CBFA2T2: variants seen among roughly 807,000 people sequenced by gnomAD.
CBFA2T2 encodes the protein protein CBFA2T2.
A neutral mutation model predicts 62.2 loss-of-function variants in CBFA2T2; 11 were observed. The observed-to-expected ratio is 0.18, with a 90% CI of 0.11 to 0.29. CBFA2T2 has a LOEUF of 0.29. Ranked by LOEUF, CBFA2T2 falls within the 10% of genes least tolerant of loss-of-function variation. CBFA2T2 has a pLI of 1.00. For synonymous variants in CBFA2T2, 295 were observed against 287.5 expected (o/e 1.03, Z -0.27); for missense variants, 592 against 774.1 (o/e 0.76, Z 2.79).
chr20:33,603,160 GGGTGT>G (rs1228468951), intron 1 of CBFA2T2, among the ~76,000 whole-genome samples: 6 of 152,180 alleles, frequency 3.9e-5, no homozygotes, highest in Non-Finnish European at 7.3e-5. Context: ...GAAGACTGCT[GGGTGT>G]TCAGTGTTAC....
At chr20:33,568,593 C>A (rs2013432528) in intron 1 of CBFA2T2, among the ~76,000 whole-genome samples, 1 of 152,112 alleles carries the variant, frequency 6.6e-6, no homozygotes, top group Admixed American at 6.5e-5. Context: ...CTCCCAGCAC[C>A]AGGTGCAGCC....
Position 33,623,142 on chromosome 20 carries a change from C to A in CBFA2T2, c.538C>A (p.Leu180Met). ...CAACCTGCCCCTGCTGCAGCGGGAA[C>A]TGCTGCACTGCGCTCGGGCGGCCAA... ...KANLPLLQRE[L>M]LHCARAAKQT... is the part of the protein sequence containing the mutation. The change falls in exon 5 of 11, where the codon CTG (leucine) becomes ATG (methionine). Residue 180 changes from leucine (L) to methionine (M), a missense_variant. Transcript: ENST00000342704. The A allele has an allele frequency of 6.2e-7, 1 of 1,614,270 alleles. No individual in the cohort carries two copies.
chr20:33,502,096 G>A lies in CBFA2T2; in HGVS notation c.34+11795G>A, dbSNP rs76579100. Reference sequence around the variant, plus strand: ...CAAGCCACCTTATGTGGCACTAGCCGGGATTATAGACAAGCGTCAGCTAAT... The same window carrying A: ...CAAGCCACCTTATGTGGCACTAGCCAGGATTATAGACAAGCGTCAGCTAAT... On this transcript the variant is annotated intron_variant, in intron 1 of 10. Coordinates refer to ENST00000342704, the MANE Select transcript of CBFA2T2 (RefSeq NM_001032999.3). Among the ~76,000 whole-genome samples the A allele has an allele frequency of 7.9e-3, 1,198 of 152,220 alleles. 18 individuals carry two copies. The highest frequency in any genetic ancestry group is 0.026 in the African/African-American group (1,096 of 41,552).
intron 1 of CBFA2T2, among the ~76,000 whole-genome samples, chr20:33,592,542 A>G (rs556938706): frequency 6.6e-6 from 1 of 152,038 alleles, no homozygotes; most frequent in Admixed American, 6.6e-5. Context: ...TCTAGGCCAC[A>G]GACTATTCAG....
intron 1 of CBFA2T2, among the ~76,000 whole-genome samples, chr20:33,512,551 C>G (rs1411575163): frequency 6.6e-6 from 1 of 152,096 alleles, no homozygotes; most frequent in East Asian, 1.9e-4. Flanking sequence ...GCTTCTTTTG[C>G]TCAACAGTAA....
At chr20:33,513,816 GAAAAAA>G (rs11481160) in intron 1 of CBFA2T2, among the ~76,000 whole-genome samples, 16 of 111,484 alleles carry the variant, frequency 1.4e-4, no homozygotes, top group East Asian at 2.8e-4. Flanking sequence ...TCTGTCCCAG[GAAAAAA>G]AAAAAAAAAA....
intron 1 of CBFA2T2, among the ~76,000 whole-genome samples, chr20:33,501,746 TCTCCTGCTGCAGC>T (rs980428594): frequency 1.4e-5 from 2 of 145,456 alleles, no homozygotes; most frequent in African/African-American, 5.0e-5. Context: ...TTCAAGTGAT[TCTCCTGCTGCAGC>T]CTCCTGAGTA....
chr20:33,577,259 A>C (rs1310945422), intron 1 of CBFA2T2, among the ~76,000 whole-genome samples: 5 of 152,196 alleles, frequency 3.3e-5, no homozygotes, highest in African/African-American at 1.2e-4. Context: ...ATTTTTAAAA[A>C]TATTGATGGA....
chr20:33,572,576 A>G (rs557082955), intron 1 of CBFA2T2, among the ~76,000 whole-genome samples: 1 of 152,344 alleles, frequency 6.6e-6, no homozygotes, highest in East Asian at 1.9e-4. Context: ...ACAATAATGA[A>G]ATAGTCGGTG....
At chr20:33,593,261 G>A (rs2014738771) in intron 1 of CBFA2T2, among the ~76,000 whole-genome samples, 1 of 151,960 alleles carries the variant, frequency 6.6e-6, no homozygotes, top group Non-Finnish European at 1.5e-5. Context: ...GAACCCAGGA[G>A]GCAAAGGTTG....
At chr20:33,502,926 T>TA (rs1314222559) in intron 1 of CBFA2T2, among the ~76,000 whole-genome samples, 3 of 149,588 alleles carry the variant, frequency 2.0e-5, no homozygotes, top group Non-Finnish European at 3.0e-5. Flanking sequence ...CCATCTCTAC[T>TA]AAAAAATACA....
At chr20:33,643,004 C>T (rs2016910464) in intron 10 of CBFA2T2, among the ~76,000 whole-genome samples, 1 of 152,200 alleles carries the variant, frequency 6.6e-6, no homozygotes, top group Non-Finnish European at 1.5e-5. Flanking sequence ...GATAGAGGGC[C>T]TGTCCTTTGG....
intron 1 of CBFA2T2, among the ~76,000 whole-genome samples, chr20:33,559,585 C>T (rs533390123): frequency 6.6e-6 from 1 of 152,216 alleles, no homozygotes; most frequent in South Asian, 2.1e-4. Flanking sequence ...ATCCTGGGTT[C>T]AAGCCATTCT....
intron 1 of CBFA2T2, among the ~76,000 whole-genome samples, chr20:33,494,271 ATATTTT>A (rs2011175521): frequency 4.7e-5 from 1 of 21,070 alleles, no homozygotes; most frequent in African/African-American, 1.5e-4. Flanking sequence ...ATATATATAT[ATATTTT>A]TTTTTTTTTT....
rs528834709 is a variant in CBFA2T2, at chr20:33,637,963, G to A, written c.1297+1255G>A. On this transcript the variant is annotated intron_variant, in intron 9 of 10. Coordinates refer to ENST00000342704, the MANE Select transcript of CBFA2T2 (RefSeq NM_001032999.3). ...ATTACAGACGTGAGCCACTGCACCC[G>A]GCCTTTTTTTTTTTTTTTTTTTTTT... Among the ~76,000 whole-genome samples, 57 of 132,044 alleles carry A rather than the reference G, an allele frequency of 4.3e-4. 2 individuals carry two copies. The South Asian group carries it at 0.013, about 31-fold the overall frequency. The allele number at this position is 132,044 out of a possible 152,430, so 86.6% of individuals were successfully genotyped here.
intron 8 of CBFA2T2, among the ~76,000 whole-genome samples, chr20:33,631,501 T>C (rs1393942939): frequency 3.3e-5 from 5 of 152,160 alleles, no homozygotes; most frequent in Admixed American, 2.0e-4. Flanking sequence ...GTGAGAAGCA[T>C]AGAGTACAGA....
intron 1 of CBFA2T2, among the ~76,000 whole-genome samples, chr20:33,578,502 C>T (rs2013937907): frequency 6.6e-6 from 1 of 152,162 alleles, no homozygotes; most frequent in Non-Finnish European, 1.5e-5. Context: ...AGCACTTTCT[C>T]CCTGTCATAA....
intron 1 of CBFA2T2, among the ~76,000 whole-genome samples, chr20:33,497,725 T>C (rs1323173797): frequency 6.6e-6 from 1 of 152,040 alleles, no homozygotes; most frequent in African/African-American, 2.4e-5. Flanking sequence ...AATTTTTGTA[T>C]TTTTAGTAGA....
At chr20:33,505,502 G>A (rs1304567200) in intron 1 of CBFA2T2, among the ~76,000 whole-genome samples, 6 of 152,104 alleles carry the variant, frequency 3.9e-5, no homozygotes, top group Non-Finnish European at 7.4e-5. Context: ...AGAAGGGGTC[G>A]GCCGGGTGCA....
Sources: allele counts gnomAD v4.1 joint callset (sites outside exome capture counted in the v4.1 genomes callset), GRCh38; gene constraint gnomAD v4.1.1; transcripts MANE v1.5; gene names NCBI Gene and HGNC (gene_info 2026-07-23, HGNC 2026-07-21).